Variants in HPCAL1 observed in about 807,000 individuals in gnomAD.
The protein encoded by HPCAL1 is hippocalcin like 1.
A neutral mutation model predicts 17.1 loss-of-function variants in HPCAL1; 8 were observed. The ratio of observed to expected loss-of-function variants is 0.47; its 90% confidence interval spans 0.27 to 0.84. The LOEUF (loss-of-function observed/expected upper bound fraction) is 0.84. HPCAL1 is among the 40% of genes least tolerant of loss of function. The probability of loss-of-function intolerance (pLI) is 0.13; values close to 1 mark genes in which losing one functional copy is unlikely to be tolerated. For synonymous variants in HPCAL1, 112 were observed against 111.4 expected (o/e 1.01, Z -0.03); for missense variants, 165 against 271.1 (o/e 0.61, Z 2.75).
intron 1 of HPCAL1, among the ~76,000 whole-genome samples, chr2:10,318,544 G>T (rs897250166): frequency 1.3e-5 from 2 of 152,278 alleles, no homozygotes; most frequent in East Asian, 1.9e-4. Flanking sequence ...GTTGATGACC[G>T]CTCCGGACAT....
At chr2:10,391,476 A>G (rs1330493217) in intron 1 of HPCAL1, among the ~76,000 whole-genome samples, 1 of 152,206 alleles carries the variant, frequency 6.6e-6, no homozygotes, top group African/African-American at 2.4e-5. Context: ...CCATTTACCC[A>G]TTTAAAGTAT....
intron 1 of HPCAL1, among the ~76,000 whole-genome samples, chr2:10,350,905 A>G (rs1000870725): frequency 1.3e-5 from 2 of 152,212 alleles, no homozygotes; most frequent in Non-Finnish European, 2.9e-5. Flanking sequence ...CTAGAATCAA[A>G]AAGTCCTATA....
chr2:10,419,721 C>A lies in HPCAL1; in HGVS notation c.-24-13C>A. 6.3e-7 allele frequency: 1 copy of A among 1,583,912 alleles called. No individual in the cohort carries two copies. Among genetic ancestry groups the A allele is most frequent in the Non-Finnish European group, 8.6e-7 (1 of 1,164,584 alleles). On this transcript the variant is annotated splice_polypyrimidine_tract_variant and intron_variant, in intron 2 of 4. Coordinates refer to ENST00000307845, the MANE Select transcript of HPCAL1 (RefSeq NM_002149.4). This position sits in a 1 kb window ranked among gnomAD's most constrained non-coding sequence, Gnocchi z 5.0. ...CCGTGGGTGGCGTCCCCGGCTGACC[C>A]CCTGTCTTGCAGGTGTAGTCGCCGC...
chr2:10,345,900 C>A (rs1199080787), intron 1 of HPCAL1, among the ~76,000 whole-genome samples: 2 of 152,150 alleles, frequency 1.3e-5, no homozygotes, highest in Admixed American at 6.5e-5. Flanking sequence ...GCAAGGACTG[C>A]GAACTTTTGC....
At chr2:10,381,327 C>A (rs76316728) in intron 1 of HPCAL1, among the ~76,000 whole-genome samples, 309 of 152,376 alleles carry the variant, frequency 2.0e-3, no homozygotes, top group Middle Eastern at 0.014. Flanking sequence ...AAGCTCTGCA[C>A]AGGGACCTTG....
chr2:10,376,650 T>G (rs2125526218), intron 1 of HPCAL1, among the ~76,000 whole-genome samples: 1 of 152,278 alleles, frequency 6.6e-6, no homozygotes, highest in South Asian at 2.1e-4. Context: ...TTAGCCAGAC[T>G]GGTCTTGAAC....
chr2:10,345,298 GT>G, intron 1 of HPCAL1, among the ~76,000 whole-genome samples: 1 of 152,196 alleles, frequency 6.6e-6, no homozygotes, highest in South Asian at 2.1e-4. Flanking sequence ...TGTACTCTGC[GT>G]TTTTGCCACT....
At chr2:10,317,417 A>AT (rs33931208) in intron 1 of HPCAL1, among the ~76,000 whole-genome samples, 112 of 131,534 alleles carry the variant, frequency 8.5e-4, no homozygotes, top group Middle Eastern at 3.8e-3. Context: ...TAATTCAACA[A>AT]TTTTTTTTTT....
At chr2:10,368,489 T>C (rs879483885) in intron 1 of HPCAL1, among the ~76,000 whole-genome samples, 12 of 152,216 alleles carry the variant, frequency 7.9e-5, no homozygotes, top group Non-Finnish European at 8.8e-5. Flanking sequence ...GCCTGGCTTT[T>C]AATCACAGAG....
chr2:10,351,103 T>A (rs1379116548), intron 1 of HPCAL1, among the ~76,000 whole-genome samples: 1 of 152,124 alleles, frequency 6.6e-6, no homozygotes, highest in South Asian at 2.1e-4. Flanking sequence ...AACTTACACA[T>A]AAATGTTTAC....
intron 2 of HPCAL1, among the ~76,000 whole-genome samples, chr2:10,409,207 G>A (rs1670170198): frequency 6.6e-6 from 1 of 152,182 alleles, no homozygotes; most frequent in African/African-American, 2.4e-5. Flanking sequence ...TGACCATAGT[G>A]GACAAAGCAG....
intron 1 of HPCAL1, among the ~76,000 whole-genome samples, chr2:10,360,006 A>G (rs550211699): frequency 1.3e-5 from 2 of 151,924 alleles, no homozygotes; most frequent in Non-Finnish European, 2.9e-5. Flanking sequence ...TCCTTCATTC[A>G]TTCTTCACTG....
intron 1 of HPCAL1, among the ~76,000 whole-genome samples, chr2:10,319,207 T>A (rs1333385124): frequency 1.3e-5 from 2 of 152,166 alleles, no homozygotes; most frequent in Non-Finnish European, 2.9e-5. Context: ...AAATTTGAGT[T>A]CTGAGCCTTC....
In HPCAL1 at chr2:10,384,996, T is replaced by C. The variant is rs1350275282; in HGVS notation, c.-110-11839T>C. Reference sequence around the variant, plus strand: ...TTAGCTGGGCATGGTGGCACACGCCTGTAATCCCAGCTACTTGGGAGGTTG... The same window carrying C: ...TTAGCTGGGCATGGTGGCACACGCCCGTAATCCCAGCTACTTGGGAGGTTG... On this transcript the variant is annotated intron_variant, in intron 1 of 4. Transcript: ENST00000307845. This position sits in a 1 kb window ranked among gnomAD's most constrained non-coding sequence, Gnocchi z 4.4. 6.6e-6 allele frequency among the ~76,000 whole-genome samples: 1 copy of C among 151,798 alleles called. No homozygotes were observed. Among genetic ancestry groups the C allele is most frequent in the Non-Finnish European group, 1.5e-5 (1 of 67,998 alleles).
At chr2:10,364,827 C>T (rs1666749114) in intron 1 of HPCAL1, among the ~76,000 whole-genome samples, 1 of 152,118 alleles carries the variant, frequency 6.6e-6, no homozygotes, top group Non-Finnish European at 1.5e-5. Flanking sequence ...TCAAACAATC[C>T]TCCTGCCTCG....
intron 1 of HPCAL1, among the ~76,000 whole-genome samples, chr2:10,312,889 C>T (rs1229987465): frequency 3.3e-5 from 5 of 152,114 alleles, no homozygotes; most frequent in Non-Finnish European, 7.3e-5. Context: ...ATCACCATCA[C>T]TATCATCGTC....
chr2:10,422,900 G>A, intron 3 of HPCAL1, 83 bp from the exon 4 acceptor site: 1 of 950,120 alleles, frequency 1.1e-6, no homozygotes, highest in Non-Finnish European at 1.7e-6. Context: ...GAGCCTTGTT[G>A]TGGGCTGGGC....
chr2:10,364,559 C>T (rs1315956299), intron 1 of HPCAL1, among the ~76,000 whole-genome samples: 5 of 151,362 alleles, frequency 3.3e-5, no homozygotes, highest in East Asian at 1.9e-4. Context: ...CCGGCCCTGA[C>T]GGCCTCCTCT....
chr2:10,320,607 C>T (rs901923425), intron 1 of HPCAL1, among the ~76,000 whole-genome samples: 6 of 152,158 alleles, frequency 3.9e-5, no homozygotes, highest in South Asian at 2.1e-4. Context: ...TATAGCAGTG[C>T]GAGAACTGAC....
Sources: allele counts gnomAD v4.1 joint callset (sites outside exome capture counted in the v4.1 genomes callset), GRCh38; gene constraint gnomAD v4.1.1; non-coding constraint Gnocchi (gnomAD v3.1); transcripts MANE v1.5; gene names NCBI Gene and HGNC (gene_info 2026-07-23, HGNC 2026-07-21).